Variants in QTGAL observed in about 807,000 individuals in gnomAD.
QTGAL encodes queuosine-tRNA galactosyltransferase.
chr17:83,025,807 A>G, the QTGAL span, among the ~76,000 whole-genome samples: 1 of 152,258 alleles, frequency 6.6e-6, no homozygotes, highest in African/African-American at 2.4e-5. Flanking sequence ...CCACTGGGAC[A>G]GCCTGGCCCG....
the QTGAL span, among the ~76,000 whole-genome samples, chr17:83,029,834 C>G: frequency 6.6e-6 from 1 of 152,210 alleles, no homozygotes; most frequent in Non-Finnish European, 1.5e-5. Flanking sequence ...GCAAGCACCA[C>G]CTTTAAAACC....
the QTGAL span, chr17:82,946,808 G>C: frequency 8.0e-7 from 1 of 1,250,544 alleles, no homozygotes; most frequent in South Asian, 1.4e-5. Context: ...ATTAGAATAA[G>C]AGCAGAATGA....
At chr17:82,959,199 G>A in the QTGAL span, among the ~76,000 whole-genome samples, 1 of 151,894 alleles carries the variant, frequency 6.6e-6, no homozygotes, top group Non-Finnish European at 1.5e-5. Context: ...AGTGTGTGCA[G>A]GTGTTCGGAG....
At chr17:82,964,983 C>T in the QTGAL span, among the ~76,000 whole-genome samples, 7 of 131,406 alleles carry the variant, frequency 5.3e-5, no homozygotes, top group African/African-American at 8.8e-5. Context: ...GATGCCTGAA[C>T]GTGCACTCCC....
At chr17:83,017,829 CAT>C in the QTGAL span, among the ~76,000 whole-genome samples, 1 of 151,596 alleles carries the variant, frequency 6.6e-6, no homozygotes, top group African/African-American at 2.4e-5. Context: ...TCAGGTACCA[CAT>C]GTGCTCCACA....
chr17:83,015,155 G>A, the QTGAL span, among the ~76,000 whole-genome samples: 11 of 150,528 alleles, frequency 7.3e-5, no homozygotes, highest in African/African-American at 2.7e-4. The surrounding 1 kb of genome is among the most constrained non-coding windows in gnomAD (Gnocchi z 4.4). Flanking sequence ...CACTGTGGAG[G>A]GGACCGTCTG....
At chr17:82,970,997 G>A in the QTGAL span, among the ~76,000 whole-genome samples, 8 of 152,122 alleles carry the variant, frequency 5.3e-5, no homozygotes, top group East Asian at 1.9e-4. Context: ...AGCCGGGTCC[G>A]TTCCACAGGT....
the QTGAL span, among the ~76,000 whole-genome samples, chr17:83,041,077 A>AT: frequency 6.6e-6 from 1 of 152,068 alleles, no homozygotes; most frequent in Non-Finnish European, 1.5e-5. Context: ...AAAAAAAAAA[A>AT]AAAAAATGGC....
At chr17:83,042,690 T>C in the QTGAL span, among the ~76,000 whole-genome samples, 3 of 109,980 alleles carry the variant, frequency 2.7e-5, no homozygotes, top group Admixed American at 2.5e-4. Flanking sequence ...GCAAAAGTCC[T>C]TCCTTGTCAG....
At chr17:82,984,776 T>TC in the QTGAL span, among the ~76,000 whole-genome samples, 1 of 151,906 alleles carries the variant, frequency 6.6e-6, no homozygotes, top group Non-Finnish European at 1.5e-5. Flanking sequence ...GAAGCAGGGA[T>TC]CCCCCCAGGA....
At chr17:82,977,781 G>A in the QTGAL span, among the ~76,000 whole-genome samples, 4 of 152,194 alleles carry the variant, frequency 2.6e-5, no homozygotes, top group Admixed American at 6.5e-5. Flanking sequence ...GTCTGGGACC[G>A]AGGGGGGTGG....
chr17:83,002,192 T>C, the QTGAL span, among the ~76,000 whole-genome samples: 1 of 152,090 alleles, frequency 6.6e-6, no homozygotes, highest in Non-Finnish European at 1.5e-5. Flanking sequence ...TAAAAAACTC[T>C]TCTATGGGCA....
chr17:82,970,401 T>C, the QTGAL span, among the ~76,000 whole-genome samples: 31 of 152,390 alleles, frequency 2.0e-4, no homozygotes, highest in Non-Finnish European at 3.5e-4. Flanking sequence ...TTCTCAACTT[T>C]TGCTTGCTGA....
the QTGAL span, chr17:83,006,955 T>A: frequency 1.4e-5 from 7 of 494,596 alleles, no homozygotes; most frequent in Non-Finnish European, 1.8e-5. This position sits in a 1 kb window ranked among gnomAD's most constrained non-coding sequence, Gnocchi z 5.8. Context: ...CAGTGATGCA[T>A]GAGGATCCAG....
the QTGAL span, chr17:82,981,635 T>C: frequency 5.5e-4 from 84 of 152,394 alleles, no homozygotes; most frequent in African/African-American, 1.9e-3. Context: ...TCAAACCCAC[T>C]GTAACTGCTG....
the QTGAL span, among the ~76,000 whole-genome samples, chr17:82,958,476 C>T: frequency 6.0e-4 from 92 of 152,284 alleles, no homozygotes; most frequent in Admixed American, 2.0e-3. Context: ...GGTTCAGCCT[C>T]GGGATCGGGG....
At chr17:83,006,407 T>G in the QTGAL span, 1 of 985,256 alleles carries the variant, frequency 1.0e-6, no homozygotes, top group African/African-American at 1.7e-5. This position sits in a 1 kb window ranked among gnomAD's most constrained non-coding sequence, Gnocchi z 5.8. Flanking sequence ...GAGAAAATTG[T>G]GAATTCACAT....
the QTGAL span, among the ~76,000 whole-genome samples, chr17:83,034,046 T>G: frequency 6.6e-6 from 1 of 152,054 alleles, no homozygotes; most frequent in Admixed American, 6.5e-5. Context: ...GTTCAAGCGA[T>G]TCTCCTGCCT....
At chr17:83,005,224 C>A in the QTGAL span, 1 of 1,594,396 alleles carries the variant, frequency 6.3e-7, no homozygotes, top group Non-Finnish European at 8.6e-7. The surrounding 1 kb of genome is among the most constrained non-coding windows in gnomAD (Gnocchi z 5.6). Context: ...TGAAAAACAA[C>A]GGCAGACAGA....
Sources: gnomAD v4.1 joint callset for allele counts (sites outside exome capture counted in the v4.1 genomes callset) on GRCh38, gnomAD v4.1.1 for gene constraint, Gnocchi (gnomAD v3.1) non-coding constraint, MANE v1.5 for transcripts, NCBI Gene and HGNC (gene_info 2026-07-23, HGNC 2026-07-21) for gene names.